Variants in EPHA4 observed in about 807,000 individuals in gnomAD.
The protein encoded by EPHA4 is ephrin type-A receptor 4.
EPHA4 carries 19 observed loss-of-function variants against 108.3 expected under a neutral mutation model. The observed-to-expected ratio is 0.18, with a 90% CI of 0.12 to 0.26. The LOEUF (loss-of-function observed/expected upper bound fraction) is 0.26, where lower values mean the gene tolerates loss of function less well. Among genes scored for constraint, EPHA4 ranks in the 10% least tolerant of loss-of-function variants. The probability of loss-of-function intolerance (pLI) is 1.00; values close to 1 mark genes in which losing one functional copy is unlikely to be tolerated. For synonymous variants in EPHA4, 449 were observed against 455.5 expected, an observed-to-expected ratio of 0.99 and a Z score of 0.18; for missense variants, 917 against 1,254.0, an observed-to-expected ratio of 0.73 and a Z score of 4.06.
In EPHA4 at chr2:221,420,025, G is replaced by A. The variant is rs1055730619; in HGVS notation, c.*1347C>T. On this transcript the variant is annotated 3_prime_UTR_variant, in exon 18 of 18. Transcript: ENST00000281821. Reference sequence around the variant, plus strand: ...GATAGTCAGCTCATATTTAGTCTAAGAAAAAAATATATTTATATCACTGCA... The same window carrying A: ...GATAGTCAGCTCATATTTAGTCTAAAAAAAAAATATATTTATATCACTGCA... The A allele has an allele frequency of 7.2e-5, 11 of 152,546 alleles. No individual in the cohort carries two copies. Among genetic ancestry groups the A allele is most frequent in the Non-Finnish European group, 1.5e-4 (10 of 68,028 alleles). The allele number at this position is 152,546 out of a possible 1,614,324, so 9.4% of individuals were successfully genotyped here. A position where few individuals can be genotyped will look rare whatever the true frequency, so the allele number is the denominator to read the frequency against.
chr2:221,462,336 G>C (rs1691172010), intron 5 of EPHA4, among the ~76,000 whole-genome samples: 1 of 151,830 alleles, frequency 6.6e-6, no homozygotes, highest in African/African-American at 2.4e-5. Flanking sequence ...ACTCATAGAT[G>C]TCAATTTTCC....
chr2:221,497,991 A>G (rs1407563503), intron 4 of EPHA4, among the ~76,000 whole-genome samples: 3 of 152,174 alleles, frequency 2.0e-5, no homozygotes, highest in African/African-American at 7.2e-5. Flanking sequence ...CATCCTTAAG[A>G]TAAAGCTAAC....
intron 15 of EPHA4, among the ~76,000 whole-genome samples, chr2:221,429,044 C>A (rs142613922): frequency 2.0e-4 from 30 of 152,294 alleles, no homozygotes; most frequent in African/African-American, 7.0e-4. Context: ...CTATTTTTAA[C>A]ACAGGATCAT....
At chr2:221,518,014 T>G (rs1387280348) in intron 3 of EPHA4, among the ~76,000 whole-genome samples, 1 of 152,192 alleles carries the variant, frequency 6.6e-6, no homozygotes, top group Non-Finnish European at 1.5e-5. Context: ...AGGTTTCAGG[T>G]TGACATTAGG....
At chr2:221,437,795 C>T (rs1368536570) in intron 11 of EPHA4, among the ~76,000 whole-genome samples, 5 of 149,656 alleles carry the variant, frequency 3.3e-5, no homozygotes, top group Non-Finnish European at 4.4e-5. Flanking sequence ...TGGTGGCAGG[C>T]GCCTGTAATC....
intron 3 of EPHA4, among the ~76,000 whole-genome samples, chr2:221,514,382 C>A (rs1487987001): frequency 1.3e-5 from 2 of 152,084 alleles, no homozygotes; most frequent in Non-Finnish European, 2.9e-5. Context: ...TTGTAGGGCA[C>A]AAAAGGTTAG....
chr2:221,431,222 A>G (rs1320841761), intron 14 of EPHA4, among the ~76,000 whole-genome samples: 1 of 152,130 alleles, frequency 6.6e-6, no homozygotes, highest in Non-Finnish European at 1.5e-5. Flanking sequence ...TAAAAGTTTT[A>G]TTTGCTTTAA....
At chr2:221,426,695 C>A in intron 15 of EPHA4, 76 bp from the exon 16 acceptor site, 1 of 1,321,498 alleles carries the variant, frequency 7.6e-7, no homozygotes, top group Admixed American at 2.6e-5. Flanking sequence ...CTGATTGCCT[C>A]AAATAGGCAA....
chr2:221,478,221 A>C (rs904655716), intron 5 of EPHA4, among the ~76,000 whole-genome samples: 2 of 102,706 alleles, frequency 1.9e-5, no homozygotes, highest in African/African-American at 6.3e-5. Context: ...CCTTTTTAAC[A>C]AAAAAAAAAT....
intron 17 of EPHA4, among the ~76,000 whole-genome samples, chr2:221,423,604 A>T (rs1370605047): frequency 2.6e-5 from 4 of 152,258 alleles, no homozygotes; most frequent in Admixed American, 2.0e-4. Context: ...TGATTACTTC[A>T]TTTACAGAAA....
At chr2:221,426,905 G>T (rs1689928857) in intron 15 of EPHA4, among the ~76,000 whole-genome samples, 1 of 152,186 alleles carries the variant, frequency 6.6e-6, no homozygotes, top group Non-Finnish European at 1.5e-5. Context: ...TAACACCCTA[G>T]CCTGGGGTGA....
intron 3 of EPHA4, among the ~76,000 whole-genome samples, chr2:221,550,518 C>T (rs1000532103): frequency 4.0e-5 from 6 of 151,802 alleles, no homozygotes; most frequent in African/African-American, 1.4e-4. Flanking sequence ...AATTGTGACA[C>T]TTACTGAACA....
chr2:221,564,541 T>C (rs1474188125), intron 2 of EPHA4, 147 bp from the exon 3 acceptor site: 2 of 764,136 alleles, frequency 2.6e-6, no homozygotes, highest in African/African-American at 1.7e-5. Context: ...TAATAAAGGA[T>C]CTTATGGGAG....
chr2:221,459,699 T>C (rs763440932), intron 5 of EPHA4, among the ~76,000 whole-genome samples: 3 of 152,124 alleles, frequency 2.0e-5, no homozygotes, highest in Non-Finnish European at 4.4e-5. Context: ...TGCCTGGCTG[T>C]GGAAAGTCAT....
At chr2:221,466,249 A>C (rs1206272095) in intron 5 of EPHA4, among the ~76,000 whole-genome samples, 1 of 152,244 alleles carries the variant, frequency 6.6e-6, no homozygotes, top group Admixed American at 6.5e-5. Context: ...GGTTCTCAAA[A>C]TGGTTTGGTT....
At chr2:221,506,847 C>T (rs544991059) in intron 3 of EPHA4, among the ~76,000 whole-genome samples, 1 of 152,170 alleles carries the variant, frequency 6.6e-6, no homozygotes, top group African/African-American at 2.4e-5. Flanking sequence ...CAAATTTTTA[C>T]AATTATTTTT....
chr2:221,441,197 CTTTT>C (rs201795751), intron 11 of EPHA4, among the ~76,000 whole-genome samples: 1 of 132,098 alleles, frequency 7.6e-6, no homozygotes, highest in Admixed American at 7.6e-5. Context: ...CTTTTCTTTT[CTTTT>C]TTTTTTTTTT....
chr2:221,520,493 T>C (rs1168753547), intron 3 of EPHA4, among the ~76,000 whole-genome samples: 1 of 143,266 alleles, frequency 7.0e-6, no homozygotes, highest in East Asian at 2.1e-4. Context: ...AGTGTAAGAC[T>C]TATTTCCTCT....
chr2:221,563,777 G>C lies in EPHA4; in HGVS notation c.777C>G (p.Asn259Lys). ...CCTCATGCCCAGCGTTGCATAGGCA[G>C]TTGCCAATGGGTACCAGCCATTCAC... ...ADGEWLVPIG[N>K]CLCNAGHEER... is the part of the protein sequence containing the mutation. Residue 259 changes from asparagine to lysine, a missense_variant, in exon 3 of 18, where the codon AAC becomes AAG. Coordinates refer to ENST00000281821, the MANE Select transcript of EPHA4 (RefSeq NM_004438.5). 1.2e-6 allele frequency: 2 copies of C among 1,614,224 alleles called. No homozygotes were observed. The highest frequency in any genetic ancestry group is 1.7e-6 in the Non-Finnish European group (2 of 1,180,046).
Sources: gnomAD v4.1 joint callset for allele counts (sites outside exome capture counted in the v4.1 genomes callset) on GRCh38, gnomAD v4.1.1 for gene constraint, MANE v1.5 for transcripts, NCBI Gene and HGNC (gene_info 2026-07-23, HGNC 2026-07-21) for gene names.